Variants in NAALADL2 observed in about 807,000 individuals in gnomAD.
NAALADL2 encodes inactive N-acetylated-alpha-linked acidic dipeptidase-like protein 2.
A neutral mutation model predicts 87.2 loss-of-function variants in NAALADL2; 76 were observed. The observed-to-expected ratio is 0.87, with a 90% CI of 0.72 to 1.05. The LOEUF (loss-of-function observed/expected upper bound fraction) is 1.05, where lower values mean the gene tolerates loss of function less well. NAALADL2 is among the 50% of genes least tolerant of loss of function. The pLI is 0.00. For synonymous variants in NAALADL2, 354 were observed against 331.0 expected (o/e 1.07, Z -0.75); for missense variants, 1,089 against 945.8 (o/e 1.15, Z -1.99).
At chr3:174,679,082 G>T (rs1727296251) in intron 2 of NAALADL2, among the ~76,000 whole-genome samples, 1 of 152,052 alleles carries the variant, frequency 6.6e-6, no homozygotes, top group Non-Finnish European at 1.5e-5. Context: ...CTTTGCACTG[G>T]TATCTTTGAT....
chr3:174,588,704 T>C (rs113717006), intron 2 of NAALADL2, among the ~76,000 whole-genome samples: 23,484 of 152,162 alleles, frequency 0.15, 1,942 homozygotes, highest in Non-Finnish European at 0.18. Flanking sequence ...TATTGCAGAA[T>C]GGCAAATGTT....
chr3:175,067,143 A>G (rs929154599), intron 1 of NAALADL2, among the ~76,000 whole-genome samples: 2 of 152,188 alleles, frequency 1.3e-5, no homozygotes, highest in African/African-American at 2.4e-5. Flanking sequence ...TAAAAATCCT[A>G]GAAGAAAACA....
intron 10 of NAALADL2, among the ~76,000 whole-genome samples, chr3:175,606,914 C>A (rs1723828079): frequency 6.6e-6 from 1 of 152,056 alleles, no homozygotes; most frequent in Non-Finnish European, 1.5e-5. Flanking sequence ...CAGTACATAT[C>A]CTTAACATAA....
rs561438872 is a variant in NAALADL2, at chr3:175,422,860, A to G, written c.1091-24369A>G. 7.3e-5 allele frequency among the ~76,000 whole-genome samples: 11 copies of G among 151,636 alleles called. No individual in the cohort carries two copies. The East Asian group carries it at 2.1e-3, about 30-fold the overall frequency. ...CTAATTGCCTTTATCCAAAGGAAAA[A>G]TACGTTTCTCATAACTTTATGACAG... On this transcript the variant is annotated intron_variant, in intron 5 of 13. Coordinates refer to ENST00000454872, the MANE Select transcript of NAALADL2 (RefSeq NM_207015.3).
intron 1 of NAALADL2, among the ~76,000 whole-genome samples, chr3:174,874,204 G>C (rs1216406917): frequency 6.6e-6 from 1 of 152,068 alleles, no homozygotes; most frequent in African/African-American, 2.4e-5. Flanking sequence ...TCACCAGATG[G>C]CACGTGAGTA....
At chr3:174,587,208 C>T (rs1560074321) in intron 2 of NAALADL2, among the ~76,000 whole-genome samples, 1 of 151,962 alleles carries the variant, frequency 6.6e-6, no homozygotes, top group Non-Finnish European at 1.5e-5. Context: ...GAATATGTGC[C>T]ACATTTTCTT....
chr3:175,627,582 G>C (rs975686945), intron 11 of NAALADL2, among the ~76,000 whole-genome samples, 196 bp downstream of exon 11: 5 of 11,728 alleles, frequency 4.3e-4, no homozygotes, highest in Non-Finnish European at 1.3e-3. Flanking sequence ...ACCCATAACT[G>C]TCTGTATGAT....
intron 2 of NAALADL2, among the ~76,000 whole-genome samples, chr3:174,597,254 G>A (rs187299068): frequency 8.3e-4 from 127 of 152,308 alleles, no homozygotes; most frequent in African/African-American, 3.0e-3. Flanking sequence ...AACAACAGGA[G>A]TCTAGTAGGG....
chr3:174,624,623 CAA>C (rs35352173), intron 2 of NAALADL2, among the ~76,000 whole-genome samples: 203 of 139,936 alleles, frequency 1.5e-3, no homozygotes, highest in Middle Eastern at 3.9e-3. Flanking sequence ...GACTCCATCT[CAA>C]AAAAAAAAAA....
chr3:175,628,389 A>G (rs1004959402), intron 11 of NAALADL2, among the ~76,000 whole-genome samples: 1 of 151,618 alleles, frequency 6.6e-6, no homozygotes, highest in Non-Finnish European at 1.5e-5. Flanking sequence ...TAACCCCATC[A>G]TAAGTTGTGA....
intron 5 of NAALADL2, among the ~76,000 whole-genome samples, chr3:175,330,796 T>C (rs1011903366): frequency 1.3e-5 from 2 of 151,636 alleles, no homozygotes; most frequent in African/African-American, 4.8e-5. Context: ...ATGAAACAAA[T>C]AATAAAATAT....
intron 1 of NAALADL2, among the ~76,000 whole-genome samples, chr3:174,491,848 G>A (rs1718214527): frequency 6.6e-6 from 1 of 151,990 alleles, no homozygotes; most frequent in Non-Finnish European, 1.5e-5. Context: ...AACCACTTTT[G>A]TCAAGAGAAA....
chr3:174,509,568 A>ATTTTTTTTTTTTTTT (rs145219498), intron 1 of NAALADL2, among the ~76,000 whole-genome samples: 7 of 80,096 alleles, frequency 8.7e-5, no homozygotes, highest in Non-Finnish European at 1.4e-4. Flanking sequence ...CACCCAGCTA[A>ATTTTTTTTTTTTTTT]TTTTTTTTTT....
At chr3:175,324,987 G>A (rs4894713) in intron 5 of NAALADL2, among the ~76,000 whole-genome samples, 26,844 of 152,076 alleles carry the variant, frequency 0.18, 2,652 homozygotes, top group East Asian at 0.24. Flanking sequence ...ATTTCTGTCC[G>A]ATGTGTCATT....
chr3:175,301,728 C>T (rs80298018), intron 4 of NAALADL2, among the ~76,000 whole-genome samples: 2,084 of 152,236 alleles, frequency 0.014, 50 homozygotes, highest in African/African-American at 0.047. Context: ...ATAATCCTCT[C>T]GTTTTCTTAA....
intron 3 of NAALADL2, among the ~76,000 whole-genome samples, chr3:174,800,663 G>A (rs985520483): frequency 5.9e-5 from 9 of 152,096 alleles, no homozygotes; most frequent in South Asian, 4.1e-4. Flanking sequence ...TCCAGACCCT[G>A]GAATGCTAGA....
At chr3:174,721,550 G>C (rs556744573) in intron 2 of NAALADL2, among the ~76,000 whole-genome samples, 2 of 152,204 alleles carry the variant, frequency 1.3e-5, no homozygotes, top group South Asian at 2.1e-4. Context: ...GGCATTTCTC[G>C]CGTCTTAATA....
intron 2 of NAALADL2, among the ~76,000 whole-genome samples, chr3:175,199,019 G>A (rs1739410461): frequency 1.3e-5 from 2 of 152,038 alleles, no homozygotes; most frequent in South Asian, 4.1e-4. Flanking sequence ...TAAATTTTAA[G>A]GACAGTTTCA....
chr3:175,231,354 A>G (rs1457656275), intron 2 of NAALADL2, among the ~76,000 whole-genome samples: 2 of 152,080 alleles, frequency 1.3e-5, no homozygotes, highest in Non-Finnish European at 2.9e-5. Context: ...GTTGTATATT[A>G]TCTATGTGTT....
Sources: allele counts gnomAD v4.1 joint callset (sites outside exome capture counted in the v4.1 genomes callset), GRCh38; gene constraint gnomAD v4.1.1; transcripts MANE v1.5; gene names NCBI Gene and HGNC (gene_info 2026-07-23, HGNC 2026-07-21).